The following AGBL1 variants were observed in gnomAD, a reference collection of about 807,000 sequenced individuals.
AGBL1 encodes cytosolic carboxypeptidase 4.
Under a neutral mutation model 118.9 loss-of-function variants are expected in AGBL1, and 130 were observed. That is an observed-to-expected ratio of 1.09 (90% confidence interval 0.95 to 1.26). The LOEUF (loss-of-function observed/expected upper bound fraction) is 1.26, where lower values mean the gene tolerates loss of function less well. Ranked by LOEUF, AGBL1 falls within the 50% of genes most tolerant of loss-of-function variation. The probability of loss-of-function intolerance (pLI) is 0.00; values close to 1 mark genes in which losing one functional copy is unlikely to be tolerated. For missense variants in AGBL1, 1,584 were observed against 1,298.1 expected (o/e 1.22, Z -3.38); for synonymous variants, 555 against 478.9 (o/e 1.16, Z -2.08).
chr15:86,315,923 G>C lies in AGBL1; in HGVS notation c.2374+20515G>C, dbSNP rs150227421. 4.0e-3 allele frequency among the ~76,000 whole-genome samples: 616 copies of C among 152,218 alleles called. 6 individuals are homozygous for C. The highest frequency in any genetic ancestry group is 0.014 in the African/African-American group (575 of 41,510). ...AATACCAGAGGGGAGGAAATAGCAA[G>C]CATTACAAAACATCCTGCTTCAGCC... On this transcript the variant is annotated intron_variant, in intron 17 of 22. Transcript: ENST00000614907.
chr15:86,605,717 G>C (rs1003756606), intron 21 of AGBL1, among the ~76,000 whole-genome samples: 1 of 151,948 alleles, frequency 6.6e-6, no homozygotes, highest in Non-Finnish European at 1.5e-5. Context: ...ATCGCAAAAA[G>C]TTCATATTTT....
At chr15:86,479,795 T>A (rs1225074934) in intron 18 of AGBL1, among the ~76,000 whole-genome samples, 1 of 152,150 alleles carries the variant, frequency 6.6e-6, no homozygotes, top group Non-Finnish European at 1.5e-5. Flanking sequence ...CGTATGTTTA[T>A]TGCGGCACTA....
intron 20 of AGBL1, 101 bp from the exon 21 acceptor site, chr15:86,554,260 T>G: frequency 9.7e-7 from 1 of 1,027,312 alleles, no homozygotes; most frequent in Non-Finnish European, 1.4e-6. Flanking sequence ...GTAACGAGTA[T>G]TTTATATATA....
intron 17 of AGBL1, among the ~76,000 whole-genome samples, chr15:86,386,725 G>A (rs184131415): frequency 1.1e-4 from 17 of 152,084 alleles, no homozygotes; most frequent in African/African-American, 3.9e-4. Flanking sequence ...ACCCACTAAT[G>A]CCCAGGACCT....
At chr15:86,296,825 A>C (rs1276757201) in intron 17 of AGBL1, 3 of 152,208 alleles carry the variant, frequency 2.0e-5, no homozygotes, top group African/African-American at 7.2e-5. Context: ...CAATCCTCCC[A>C]GGGTAACTTT....
At chr15:86,168,907 T>C (rs544298643) in intron 5 of AGBL1, among the ~76,000 whole-genome samples, 2 of 152,352 alleles carry the variant, frequency 1.3e-5, no homozygotes, top group East Asian at 3.8e-4. Context: ...TATTTCCTCT[T>C]TGTGAATTAC....
At position 86,083,908 on chromosome 15, in the gene AGBL1, A is replaced by T. The variant is rs143802339; in HGVS notation, c.51+3885A>T. On this transcript the variant is annotated intron_variant, in intron 1 of 22. Transcript: ENST00000614907. ...GACGCTGAGCTTTTCCCTTGGACTT[A>T]AACAGAAGGATTTGGACAATCAAGG... Among the ~76,000 whole-genome samples, 6 of 152,330 alleles carry T rather than the reference A, an allele frequency of 3.9e-5. No homozygotes were observed. The East Asian group carries it at 5.8e-4, about 15-fold the overall frequency.
At chr15:86,191,894 C>A (rs1220532339) in intron 5 of AGBL1, among the ~76,000 whole-genome samples, 1 of 148,332 alleles carries the variant, frequency 6.7e-6, no homozygotes, top group African/African-American at 2.5e-5. Flanking sequence ...GCAACATAGA[C>A]CCTGTCTCTT....
chr15:86,949,436 A>G (rs1201943964), intron 23 of AGBL1, among the ~76,000 whole-genome samples: 2 of 152,130 alleles, frequency 1.3e-5, no homozygotes, highest in East Asian at 3.8e-4. Flanking sequence ...GAAGAAGGCC[A>G]CTGTTAAGAC....
At position 86,402,838 on chromosome 15, in the gene AGBL1, T is replaced by C. The variant is rs201549343; in HGVS notation, c.2555+5292T>C. On this transcript the variant is annotated intron_variant, in intron 18 of 22. Transcript: ENST00000614907. Reference sequence around the variant, plus strand: ...AAGCCAAGGATCTCTTAGCAACACATGTCTGAACAGGGAAAGAAAATACAA... The same window carrying C: ...AAGCCAAGGATCTCTTAGCAACACACGTCTGAACAGGGAAAGAAAATACAA... 7.9e-5 allele frequency among the ~76,000 whole-genome samples: 12 copies of C among 152,170 alleles called. No homozygotes were observed. The East Asian group carries it at 1.2e-3, about 15-fold the overall frequency.
In AGBL1 at chr15:86,909,582, T is replaced by C. The variant is rs2080323170; in HGVS notation, c.*2288T>C. The C allele has an allele frequency of 6.6e-6, 1 of 152,236 alleles. No homozygotes were observed. Among genetic ancestry groups the C allele is most frequent in the African/African-American group, 2.4e-5 (1 of 41,466 alleles). The allele number at this position is 152,236 out of a possible 1,614,324, so 9.4% of individuals were successfully genotyped here. ...CTTCATATTAAGACATGTATGTTTA[T>C]GTAACATATGCAAGAAATTTGAAGA... On this transcript the variant is annotated 3_prime_UTR_variant, in exon 23 of 23. Coordinates refer to ENST00000614907, the MANE Select transcript of AGBL1 (RefSeq NM_001386094.1).
chr15:86,398,338 A>G (rs1372137504), intron 18 of AGBL1, among the ~76,000 whole-genome samples: 1 of 152,174 alleles, frequency 6.6e-6, no homozygotes, highest in Non-Finnish European at 1.5e-5. Flanking sequence ...ATCCACAAAG[A>G]GGTCTTTCAA....
intron 22 of AGBL1, among the ~76,000 whole-genome samples, chr15:86,809,078 G>C (rs1402259429): frequency 1.3e-5 from 2 of 151,994 alleles, no homozygotes; most frequent in African/African-American, 4.8e-5. Context: ...TATGTACATT[G>C]TTTCATTCAA....
rs111619776 is a variant in AGBL1 at position 86,653,181 on chromosome 15, G to A, written c.2995-21092G>A. On this transcript the variant is annotated intron_variant, in intron 21 of 22. Transcript: ENST00000614907. Reference sequence around the variant, plus strand: ...TCAAATGCAAACCAAAATGAGTTATGTCAGCACAAACATCCCAGGGGATCC... The same window carrying A: ...TCAAATGCAAACCAAAATGAGTTATATCAGCACAAACATCCCAGGGGATCC... 3.7e-4 allele frequency among the ~76,000 whole-genome samples: 56 copies of A among 152,002 alleles called. 1 individual carries two copies. The highest frequency in any genetic ancestry group is 1.3e-3 in the African/African-American group (54 of 41,446).
intron 21 of AGBL1, among the ~76,000 whole-genome samples, chr15:86,598,020 T>C (rs1428178515): frequency 6.6e-6 from 1 of 152,092 alleles, no homozygotes; most frequent in Non-Finnish European, 1.5e-5. Flanking sequence ...CCTATGTGGG[T>C]CAGAGTTCTA....
intron 18 of AGBL1, among the ~76,000 whole-genome samples, chr15:86,458,861 A>G (rs1346385365): frequency 6.6e-6 from 1 of 152,152 alleles, no homozygotes; most frequent in African/African-American, 2.4e-5. Flanking sequence ...TAGAACGGAA[A>G]TTGCAGCTGA....
chr15:86,232,698 A>G (rs1025475386), intron 6 of AGBL1, among the ~76,000 whole-genome samples: 1 of 152,084 alleles, frequency 6.6e-6, no homozygotes, highest in African/African-American at 2.4e-5. Context: ...CCTCTGGTGA[A>G]TCCTAGAACA....
At chr15:86,535,060 C>T (rs181527386) in intron 19 of AGBL1, among the ~76,000 whole-genome samples, 1 of 152,214 alleles carries the variant, frequency 6.6e-6, no homozygotes, top group East Asian at 1.9e-4. Context: ...AAAGCAAAGT[C>T]ACAGAGATTT....
chr15:86,920,683 T>C (rs972980270), downstream of AGBL1, among the ~76,000 whole-genome samples: 1 of 152,202 alleles, frequency 6.6e-6, no homozygotes, highest in African/African-American at 2.4e-5. Context: ...TCCTATAACA[T>C]AGGTATATTC....
Sources: allele counts gnomAD v4.1 joint callset (sites outside exome capture counted in the v4.1 genomes callset), GRCh38; gene constraint gnomAD v4.1.1; transcripts MANE v1.5; gene names NCBI Gene and HGNC (gene_info 2026-07-23, HGNC 2026-07-21).